DCN: variants seen among roughly 807,000 people sequenced by gnomAD.
DCN encodes bone proteoglycan II.
Under a neutral mutation model 36.5 loss-of-function variants are expected in DCN, and 17 were observed. The ratio of observed to expected loss-of-function variants is 0.47; its 90% CI spans 0.32 to 0.70. The LOEUF is 0.70. Ranked by LOEUF, DCN falls within the 30% of genes least tolerant of loss-of-function variation. DCN has a pLI of 0.04. For synonymous variants in DCN, 163 were observed against 161.4 expected (o/e 1.01, Z -0.07); for missense variants, 389 against 430.1 (o/e 0.90, Z 0.84).
chr12:91,159,378 C>T (rs3138240), intron 3 of DCN, among the ~76,000 whole-genome samples: 2,593 of 151,994 alleles, frequency 0.017, 70 homozygotes, highest in African/African-American at 0.058. Flanking sequence ...TAGCTCATTG[C>T]TTTTCTTTGT....
At chr12:91,165,328 T>A (rs545975989) in intron 2 of DCN, among the ~76,000 whole-genome samples, 2 of 152,308 alleles carry the variant, frequency 1.3e-5, no homozygotes, top group African/African-American at 4.8e-5. Flanking sequence ...CCAATAGATA[T>A]ATGGCTAGTT....
intron 1 of DCN, among the ~76,000 whole-genome samples, chr12:91,181,845 C>A (rs1436279455): frequency 6.6e-6 from 1 of 151,302 alleles, no homozygotes; most frequent in African/African-American, 2.4e-5. Context: ...CATTTATCCA[C>A]AAACAAGGGT....
intron 5 of DCN, among the ~76,000 whole-genome samples, chr12:91,155,991 C>T (rs1281423312): frequency 6.6e-6 from 1 of 152,070 alleles, no homozygotes; most frequent in Non-Finnish European, 1.5e-5. Context: ...TTTGTACGCA[C>T]TCAAGAACAA....
chr12:91,176,343 A>G (rs1045762349), intron 2 of DCN: 2 of 152,096 alleles, frequency 1.3e-5, no homozygotes, highest in African/African-American at 4.8e-5. Context: ...ACCTAGCTAT[A>G]ATAAAGGAAT....
Position 91,142,613 on chromosome 12 carries a change from CTT to C in DCN, c.*3443_*3444del, listed in dbSNP as rs1277063523. 2 of 152,096 alleles carry C rather than the reference CTT, an allele frequency of 1.3e-5. No individual in the cohort carries two copies. The highest frequency in any genetic ancestry group is 4.8e-5 in the African/African-American group (2 of 41,424). 9.4% of individuals were successfully genotyped at this position (152,096 alleles called of 1,614,324 possible). ...GTAACATTTATTGCCAGATCAAAGT[CTT>C]TGAAGAAAAATGCTTTAAAAGATCA... is the stretch of plus-strand genomic sequence containing the variant. On this transcript the variant is annotated 3_prime_UTR_variant, in exon 8 of 8. Coordinates refer to ENST00000052754, the MANE Select transcript of DCN (RefSeq NM_001920.5).
At chr12:91,168,310 A>C (rs1191902596) in intron 2 of DCN, among the ~76,000 whole-genome samples, 1 of 152,166 alleles carries the variant, frequency 6.6e-6, no homozygotes, top group Non-Finnish European at 1.5e-5. Flanking sequence ...CCCTTGAAGC[A>C]TATCCGTTAT....
rs3138290 is a variant in DCN at position 91,145,738 on chromosome 12, G to A, written c.*320C>T. ...CTCATACTCTTTTTATTTTTTCCTG[G>A]AAATTAAAAAAGAAAAGCTTTACTA... On this transcript the variant is annotated 3_prime_UTR_variant, in exon 8 of 8. Transcript: ENST00000052754. The A allele has an allele frequency of 2.5e-3, 1,027 of 410,656 alleles. 7 individuals are homozygous for A. The highest frequency in any genetic ancestry group is 0.02 in the African/African-American group (965 of 47,722). The allele number at this position is 410,656 out of a possible 1,614,324, so 25.4% of individuals were successfully genotyped here. A position where few individuals can be genotyped will look rare whatever the true frequency, so the allele number is the denominator to read the frequency against.
At chr12:91,182,523 A>C (rs13312823) in intron 1 of DCN, 132 bp downstream of exon 1, 242 of 152,120 alleles carry the variant, frequency 1.6e-3, no homozygotes, top group African/African-American at 5.5e-3. Context: ...AAAATGTTGC[A>C]TAAAAACTAT....
At chr12:91,175,176 A>T (rs562441831) in intron 2 of DCN, 2 of 152,206 alleles carry the variant, frequency 1.3e-5, no homozygotes, top group Admixed American at 1.3e-4. Context: ...TATAATTAAG[A>T]GGGAACTGGT....
At chr12:91,149,788 A>G (rs1406636923) in intron 7 of DCN, among the ~76,000 whole-genome samples, 2 of 152,248 alleles carry the variant, frequency 1.3e-5, no homozygotes, top group African/African-American at 4.8e-5. Context: ...GTATGTTTAT[A>G]CATTAGCAGC....
intron 3 of DCN, among the ~76,000 whole-genome samples, chr12:91,163,167 A>G (rs563387064): frequency 7.2e-5 from 11 of 152,334 alleles, no homozygotes; most frequent in African/African-American, 2.6e-4. Context: ...GGGTGAGAAA[A>G]TGCATTTTAT....
At chr12:91,157,611 T>A (rs1315582101) in intron 4 of DCN, among the ~76,000 whole-genome samples, 1 of 152,036 alleles carries the variant, frequency 6.6e-6, no homozygotes, top group Non-Finnish European at 1.5e-5. Context: ...AAAATTACAA[T>A]TTTTACTATA....
At chr12:91,159,444 A>G (rs1882019364) in intron 3 of DCN, among the ~76,000 whole-genome samples, 1 of 151,232 alleles carries the variant, frequency 6.6e-6, no homozygotes, top group Non-Finnish European at 1.5e-5. Flanking sequence ...CCTACCATTT[A>G]TTGTATTTTT....
In DCN at chr12:91,164,462, TAAA is replaced by T. The variant is rs36087078; in HGVS notation, c.324+140_324+142del. On this transcript the variant is annotated intron_variant, in intron 3 of 7. Coordinates refer to ENST00000052754, the MANE Select transcript of DCN (RefSeq NM_001920.5). Reference sequence around the variant, plus strand: ...TGGGGCAGAATTAATAAAAAAAAAGTAAAAAAAAAAAAAAAAGGTGAAGTTAAT... The same window carrying T: ...TGGGGCAGAATTAATAAAAAAAAAGTAAAAAAAAAAAAAGGTGAAGTTAAT... The T allele has an allele frequency of 2.1e-3, 653 of 316,806 alleles. 3 individuals are homozygous for T. Among genetic ancestry groups the T allele is most frequent in the African/African-American group, 4.5e-3 (160 of 35,376 alleles). The allele number at this position is 316,806 out of a possible 1,614,324, so 19.6% of individuals were successfully genotyped here. A position where few individuals can be genotyped will look rare whatever the true frequency, so the allele number is the denominator to read the frequency against.
chr12:91,161,294 T>A (rs1316229415), intron 3 of DCN, among the ~76,000 whole-genome samples: 1 of 152,212 alleles, frequency 6.6e-6, no homozygotes, highest in African/African-American at 2.4e-5. Flanking sequence ...TAGATGTCAC[T>A]TACTTAAGGA....
intron 2 of DCN, chr12:91,172,464 G>A (rs1057086410): frequency 4.9e-5 from 10 of 202,844 alleles, no homozygotes; most frequent in Non-Finnish European, 8.1e-5. Flanking sequence ...CTCAAGGCAA[G>A]CATGTTCCCC....
intron 2 of DCN, chr12:91,172,751 T>C (rs949011224): frequency 1.3e-5 from 9 of 700,094 alleles, no homozygotes; most frequent in Admixed American, 2.0e-5. Context: ...AACCAAGCCA[T>C]GCATATGTTC....
intron 2 of DCN, among the ~76,000 whole-genome samples, chr12:91,170,964 A>G (rs1882921989): frequency 6.6e-6 from 1 of 152,198 alleles, no homozygotes; most frequent in Non-Finnish European, 1.5e-5. Flanking sequence ...TAAGCCTATG[A>G]TTGTATTAAT....
chr12:91,147,027 G>A (rs1388084513), intron 7 of DCN, among the ~76,000 whole-genome samples: 1 of 152,042 alleles, frequency 6.6e-6, no homozygotes, highest in Non-Finnish European at 1.5e-5. Flanking sequence ...AGCTCTCAGA[G>A]CAATTGCTTT....
Sources: allele counts gnomAD v4.1 joint callset (sites outside exome capture counted in the v4.1 genomes callset), GRCh38; gene constraint gnomAD v4.1.1; transcripts MANE v1.5; gene names NCBI Gene and HGNC (gene_info 2026-07-23, HGNC 2026-07-21).